Variants in YY1 observed in about 807,000 individuals in gnomAD.
YY1 encodes transcriptional repressor protein YY1.
A neutral mutation model predicts 35.6 loss-of-function variants in YY1; 2 were observed. The observed-to-expected ratio is 0.06, with a 90% confidence interval of 0.02 to 0.18. The LOEUF is 0.18. Ranked by LOEUF, YY1 falls within the 10% of genes least tolerant of loss-of-function variation. YY1 has a pLI of 1.00. For synonymous variants in YY1, 268 were observed against 238.9 expected, an observed-to-expected ratio of 1.12 and a Z score of -1.12; for missense variants, 322 against 573.4, an observed-to-expected ratio of 0.56 and a Z score of 4.48.
intron 2 of YY1, among the ~76,000 whole-genome samples, chr14:100,271,272 A>T (rs946676998): frequency 5.9e-5 from 9 of 152,188 alleles, no homozygotes; most frequent in Non-Finnish European, 1.0e-4. Flanking sequence ...TAATTAAATT[A>T]AATTAAAAAT....
chr14:100,251,250 G>C (rs138996943), intron 1 of YY1, among the ~76,000 whole-genome samples: 106 of 152,284 alleles, frequency 7.0e-4, no homozygotes, highest in African/African-American at 2.5e-3. Flanking sequence ...GAAGGCAGTG[G>C]GAGATTGACT....
intron 2 of YY1, among the ~76,000 whole-genome samples, chr14:100,269,663 A>G (rs1485394212): frequency 6.6e-6 from 1 of 152,200 alleles, no homozygotes; most frequent in Non-Finnish European, 1.5e-5. Flanking sequence ...TCTTAAAAGT[A>G]CCAACGTATA....
intron 2 of YY1, among the ~76,000 whole-genome samples, chr14:100,262,792 C>CCCTTAA (rs1891102637): frequency 6.6e-6 from 1 of 152,048 alleles, no homozygotes; most frequent in Admixed American, 6.5e-5. Flanking sequence ...TAGATCCTTG[C>CCCTTAA]AGTAAGATGA....
chr14:100,258,594 C>A (rs545999194), intron 1 of YY1, among the ~76,000 whole-genome samples: 1 of 152,140 alleles, frequency 6.6e-6, no homozygotes, highest in Non-Finnish European at 1.5e-5. Flanking sequence ...ACCTCGTGAT[C>A]CGCCCGCCTC....
At chr14:100,250,021 C>T (rs1489107385) in intron 1 of YY1, among the ~76,000 whole-genome samples, 1 of 152,162 alleles carries the variant, frequency 6.6e-6, no homozygotes, top group Non-Finnish European at 1.5e-5. Context: ...GATCTGTCCG[C>T]TTCAGCCTTC....
At chr14:100,254,847 A>T (rs1209982175) in intron 1 of YY1, among the ~76,000 whole-genome samples, 1 of 145,856 alleles carries the variant, frequency 6.9e-6, no homozygotes, top group African/African-American at 2.6e-5. Context: ...ATCTTGGCTC[A>T]CTGCAACCTC....
chr14:100,270,098 TA>T (rs1217272968), intron 2 of YY1, among the ~76,000 whole-genome samples: 2 of 150,716 alleles, frequency 1.3e-5, no homozygotes, highest in Non-Finnish European at 3.0e-5. Flanking sequence ...CCGTCTCTAC[TA>T]AAAATACAAA....
At chr14:100,248,915 C>T (rs1183736423) in intron 1 of YY1, among the ~76,000 whole-genome samples, 2 of 151,710 alleles carry the variant, frequency 1.3e-5, no homozygotes, top group Non-Finnish European at 2.9e-5. Flanking sequence ...TCTTGATCTC[C>T]TGACCTCATG....
intron 2 of YY1, among the ~76,000 whole-genome samples, chr14:100,266,175 C>CG (rs1891152572): frequency 6.6e-6 from 1 of 152,076 alleles, no homozygotes; most frequent in African/African-American, 2.4e-5. Context: ...TACCTCCCCC[C>CG]GGGTCCCACC....
At chr14:100,254,339 C>T (rs1223341108) in intron 1 of YY1, among the ~76,000 whole-genome samples, 1 of 152,086 alleles carries the variant, frequency 6.6e-6, no homozygotes, top group Admixed American at 6.6e-5. Context: ...ATTGTGTGTC[C>T]AGCTTGTGAA....
At chr14:100,259,379 G>A (rs1344116891) in intron 1 of YY1, among the ~76,000 whole-genome samples, 1 of 152,156 alleles carries the variant, frequency 6.6e-6, no homozygotes, top group African/African-American at 2.4e-5. Context: ...GATTAGCTGG[G>A]CATGGTGGTG....
chr14:100,252,895 GGGTGTGGT>G (rs919220750), intron 1 of YY1, among the ~76,000 whole-genome samples: 1 of 152,048 alleles, frequency 6.6e-6, no homozygotes, highest in African/African-American at 2.4e-5. Flanking sequence ...AAAATCAACT[GGGTGTGGT>G]GGTGTGGTGC....
chr14:100,246,076 C>T (rs1157101765), intron 1 of YY1, among the ~76,000 whole-genome samples: 1 of 152,114 alleles, frequency 6.6e-6, no homozygotes, highest in African/African-American at 2.4e-5. Flanking sequence ...GTGACCCTCT[C>T]TAAGGCTGTT....
At chr14:100,255,063 C>T (rs1297089684) in intron 1 of YY1, among the ~76,000 whole-genome samples, 1 of 143,020 alleles carries the variant, frequency 7.0e-6, no homozygotes, top group African/African-American at 2.6e-5. Flanking sequence ...TCCCAAAGTG[C>T]TAGGATTACA....
rs1171809879 is a variant in YY1 at position 100,280,919 on chromosome 14, A to G, written c.*3319A>G. 1 of 151,976 alleles carries G rather than the reference A, an allele frequency of 6.6e-6. No homozygotes were observed. The allele number at this position is 151,976 out of a possible 1,614,324, so 9.4% of individuals were successfully genotyped here. On this transcript the variant is annotated 3_prime_UTR_variant, in exon 5 of 5. Coordinates refer to ENST00000262238, the MANE Select transcript of YY1 (RefSeq NM_003403.5). ...GGCACAGGAAAACCTGGCCCCCTAA[A>G]AAGAAGTTTTGGAATTGGAAGCCTG... is the stretch of plus-strand genomic sequence containing the variant.
chr14:100,259,397 G>A (rs938163024), intron 1 of YY1, among the ~76,000 whole-genome samples: 14 of 152,154 alleles, frequency 9.2e-5, no homozygotes, highest in African/African-American at 3.4e-4. Context: ...GTGTGTGCCT[G>A]TAGTCCCAGC....
intron 1 of YY1, among the ~76,000 whole-genome samples, chr14:100,258,001 G>C (rs1891027796): frequency 6.6e-6 from 1 of 152,062 alleles, no homozygotes; most frequent in Non-Finnish European, 1.5e-5. Flanking sequence ...GCATGGTGGT[G>C]CCCGTCTGTG....
chr14:100,276,444 T>C lies in YY1; in HGVS notation c.904-46T>C, dbSNP rs1566782369. ...GGCTGTTAAATGGTTGAATCCTTTC[T>C]AACAGTTTGCAATGTGAACTTCTAA... is the stretch of plus-strand genomic sequence containing the variant. On this transcript the variant is annotated intron_variant, in intron 3 of 4. Coordinates refer to ENST00000262238, the MANE Select transcript of YY1 (RefSeq NM_003403.5). This position sits in a 1 kb window ranked among gnomAD's most constrained non-coding sequence, Gnocchi z 4.1. The C allele has an allele frequency of 5.0e-6, 8 of 1,614,058 alleles. No individual in the cohort carries two copies. The highest frequency in any genetic ancestry group is 6.8e-6 in the Non-Finnish European group (8 of 1,179,940).
chr14:100,270,790 T>C (rs1891226620), intron 2 of YY1, among the ~76,000 whole-genome samples: 1 of 152,102 alleles, frequency 6.6e-6, no homozygotes, highest in Admixed American at 6.5e-5. Context: ...CACAGAATGT[T>C]TCCAAGGAGT....
Sources: allele counts gnomAD v4.1 joint callset (sites outside exome capture counted in the v4.1 genomes callset), GRCh38; gene constraint gnomAD v4.1.1; non-coding constraint Gnocchi (gnomAD v3.1); transcripts MANE v1.5; gene names NCBI Gene and HGNC (gene_info 2026-07-23, HGNC 2026-07-21).